CPED1: variants seen among roughly 807,000 people sequenced by gnomAD.
The protein encoded by CPED1 is cadherin-like and PC-esterase domain-containing protein 1.
In CPED1, 114 loss-of-function variants were observed where a neutral mutation model predicts 128.2. The observed-to-expected ratio is 0.89, with a 90% CI of 0.76 to 1.04. CPED1 has a LOEUF of 1.04. Among genes scored for constraint, CPED1 ranks in the 50% least tolerant of loss-of-function variants. The pLI is 0.00. For synonymous variants in CPED1, 462 were observed against 426.7 expected, an observed-to-expected ratio of 1.08 and a Z score of -1.02; for missense variants, 1,211 against 1,207.1, an observed-to-expected ratio of 1.00 and a Z score of -0.05.
intron 18 of CPED1, among the ~76,000 whole-genome samples, chr7:121,255,679 G>T (rs1262786100): frequency 1.3e-5 from 2 of 151,848 alleles, no homozygotes; most frequent in African/African-American, 4.8e-5. Context: ...ATGCCAAAAG[G>T]CTCTTAGAAC....
intron 7 of CPED1, among the ~76,000 whole-genome samples, chr7:121,119,050 T>C (rs1273730844): frequency 6.6e-6 from 1 of 152,128 alleles, no homozygotes; most frequent in Non-Finnish European, 1.5e-5. Context: ...CTTTTTATTC[T>C]ATAAATTATT....
At chr7:121,035,791 C>G (rs1242762481) in intron 3 of CPED1, among the ~76,000 whole-genome samples, 1 of 151,862 alleles carries the variant, frequency 6.6e-6, no homozygotes, top group Non-Finnish European at 1.5e-5. Flanking sequence ...TGTGATCGCA[C>G]CACTGCACTC....
chr7:121,171,840 G>T (rs1411493846), intron 16 of CPED1, among the ~76,000 whole-genome samples: 1 of 152,018 alleles, frequency 6.6e-6, no homozygotes, highest in East Asian at 1.9e-4. Flanking sequence ...AAATTAAAAT[G>T]AATTCATTAT....
At chr7:121,062,588 C>G (rs1187139148) in intron 4 of CPED1, among the ~76,000 whole-genome samples, 1 of 152,098 alleles carries the variant, frequency 6.6e-6, no homozygotes, top group African/African-American at 2.4e-5. Flanking sequence ...TTTGAGAAAT[C>G]GAGACAGCCT....
chr7:121,016,264 C>T (rs1340167440), intron 3 of CPED1, among the ~76,000 whole-genome samples: 2 of 152,110 alleles, frequency 1.3e-5, no homozygotes, highest in Non-Finnish European at 2.9e-5. Flanking sequence ...CACAGATTGG[C>T]TCTAAATAGG....
intron 11 of CPED1, among the ~76,000 whole-genome samples, chr7:121,129,402 G>A (rs2116331033): frequency 6.7e-6 from 1 of 148,440 alleles, no homozygotes; most frequent in African/African-American, 2.5e-5. Flanking sequence ...GTTAATTAAT[G>A]AGTGTTTGAT....
chr7:121,215,322 G>GATGAGAGTC (rs1316608147), intron 16 of CPED1, among the ~76,000 whole-genome samples: 1 of 151,994 alleles, frequency 6.6e-6, no homozygotes, highest in Non-Finnish European at 1.5e-5. Context: ...GACATAAGTG[G>GATGAGAGTC]ATTAGATGAG....
At chr7:121,141,194 G>C (rs926853047) in intron 15 of CPED1, among the ~76,000 whole-genome samples, 181 bp downstream of exon 15, 11 of 151,884 alleles carry the variant, frequency 7.2e-5, no homozygotes, top group African/African-American at 2.4e-4. Flanking sequence ...GCTCATCTTT[G>C]TAACAATATT....
intron 22 of CPED1, among the ~76,000 whole-genome samples, chr7:121,278,488 G>A (rs1224978449): frequency 6.6e-6 from 1 of 152,134 alleles, no homozygotes; most frequent in Admixed American, 6.5e-5. Flanking sequence ...CACATTCGGT[G>A]TTGTCATTTA....
chr7:121,034,400 A>G (rs1792830593), intron 3 of CPED1, among the ~76,000 whole-genome samples: 1 of 151,630 alleles, frequency 6.6e-6, no homozygotes, highest in South Asian at 2.1e-4. Flanking sequence ...GGCATCCACC[A>G]CCATGCCCAG....
intron 16 of CPED1, among the ~76,000 whole-genome samples, chr7:121,202,765 T>C (rs1282928088): frequency 6.6e-6 from 1 of 152,094 alleles, no homozygotes; most frequent in African/African-American, 2.4e-5. Context: ...AGTAAATTAA[T>C]AGATACCCAT....
intron 2 of CPED1, among the ~76,000 whole-genome samples, chr7:120,999,283 T>G (rs965648218): frequency 6.6e-6 from 1 of 152,178 alleles, no homozygotes; most frequent in Admixed American, 6.5e-5. Flanking sequence ...TCATGCCACT[T>G]CTACATTAAA....
chr7:121,290,102 C>G (rs1792664135), intron 22 of CPED1, among the ~76,000 whole-genome samples: 1 of 152,128 alleles, frequency 6.6e-6, no homozygotes, highest in Non-Finnish European at 1.5e-5. Context: ...TGATGGTTGC[C>G]AGCTTCATCC....
chr7:121,279,407 A>G (rs1406767057), intron 22 of CPED1, among the ~76,000 whole-genome samples: 1 of 152,104 alleles, frequency 6.6e-6, no homozygotes, highest in African/African-American at 2.4e-5. Flanking sequence ...TGAAACCCCA[A>G]GAAAAATACT....
intron 7 of CPED1, among the ~76,000 whole-genome samples, chr7:121,106,688 A>G (rs182130216): frequency 7.9e-5 from 12 of 152,170 alleles, no homozygotes; most frequent in African/African-American, 2.9e-4. Flanking sequence ...TGGAGCCATC[A>G]AGGGAAGGTA....
rs539242359 is a variant in CPED1, at chr7:121,120,966, T to TAAAAAAAA, written c.919-3351_919-3344dup. The stretch of plus-strand genomic sequence containing the variant: ...AGATAAAATAGGACAGTTCCTGACC[T>TAAAAAAAA]AAAAAAAAAAAAAAAAAAAAACAAA... On this transcript the variant is annotated intron_variant, in intron 7 of 22. Transcript: ENST00000310396. Among the ~76,000 whole-genome samples, 33 of 91,646 alleles carry TAAAAAAAA rather than the reference T, an allele frequency of 3.6e-4. 1 individual carries two copies. The highest frequency in any genetic ancestry group is 1.8e-3 in the East Asian group (3 of 1,674). The allele number at this position is 91,646 out of a possible 152,430, so 60.1% of individuals were successfully genotyped here. A position where few individuals can be genotyped will look rare whatever the true frequency, so the allele number is the denominator to read the frequency against.
At chr7:121,242,884 A>C (rs1798431160) in intron 17 of CPED1, among the ~76,000 whole-genome samples, 1 of 151,862 alleles carries the variant, frequency 6.6e-6, no homozygotes, top group East Asian at 1.9e-4. Context: ...TCTGTGTTCA[A>C]TCAGTAAGAG....
At position 121,243,181 on chromosome 7, in the gene CPED1, G is replaced by C. The variant is rs148515147; in HGVS notation, c.2174-1021G>C. Among the ~76,000 whole-genome samples, 222 of 152,128 alleles carry C rather than the reference G, an allele frequency of 1.5e-3. 1 individual carries two copies. The highest frequency in any genetic ancestry group is 1.3e-4 in the Non-Finnish European group (9 of 67,982). ...AGTTTTGAAGGGTAAACATATACTA[G>C]TAACATAAGCAAGATATTTAGGGTA... On this transcript the variant is annotated intron_variant, in intron 17 of 22. Transcript: ENST00000310396.
intron 7 of CPED1, among the ~76,000 whole-genome samples, chr7:121,115,765 T>C (rs1017012318): frequency 6.6e-6 from 1 of 152,216 alleles, no homozygotes; most frequent in African/African-American, 2.4e-5. Context: ...AGACCTTATA[T>C]TATTGGAAGT....
Sources: gnomAD v4.1 joint callset for allele counts (sites outside exome capture counted in the v4.1 genomes callset) on GRCh38, gnomAD v4.1.1 for gene constraint, MANE v1.5 for transcripts, NCBI Gene and HGNC (gene_info 2026-07-23, HGNC 2026-07-21) for gene names.